The following CNTN5 variants were observed in gnomAD, a reference collection of about 807,000 sequenced individuals.
The protein encoded by CNTN5 is contactin 5, also known as contactin-5.
CNTN5 carries 77 observed loss-of-function variants against 129.1 expected under a neutral mutation model. The ratio of observed to expected loss-of-function variants is 0.60; its 90% confidence interval spans 0.50 to 0.72. The LOEUF (loss-of-function observed/expected upper bound fraction) is 0.72. CNTN5 is among the 30% of genes least tolerant of loss of function. CNTN5 has a pLI of 0.00. For synonymous variants in CNTN5, 509 were observed against 465.6 expected, an observed-to-expected ratio of 1.09 and a Z score of -1.20; for missense variants, 1,478 against 1,328.8, an observed-to-expected ratio of 1.11 and a Z score of -1.75.
chr11:100,010,863 T>C (rs1940485207), intron 9 of CNTN5, among the ~76,000 whole-genome samples: 1 of 152,124 alleles, frequency 6.6e-6, no homozygotes, highest in African/African-American at 2.4e-5. Flanking sequence ...AAGGCTTACG[T>C]CAAATGCCCC....
chr11:99,541,183 G>A (rs547625824), intron 2 of CNTN5, among the ~76,000 whole-genome samples: 13 of 152,222 alleles, frequency 8.5e-5, no homozygotes, highest in Non-Finnish European at 7.4e-5. Context: ...CAGTACACTA[G>A]CTGACTGAAT....
intron 3 of CNTN5, among the ~76,000 whole-genome samples, chr11:99,671,880 G>A (rs76936909): frequency 5.7e-4 from 87 of 152,162 alleles, no homozygotes; most frequent in African/African-American, 1.4e-3. Context: ...ACCTGTGTGC[G>A]CACGCATACA....
At chr11:99,359,870 T>G (rs746448213) in intron 2 of CNTN5, among the ~76,000 whole-genome samples, 1 of 152,014 alleles carries the variant, frequency 6.6e-6, no homozygotes, top group Non-Finnish European at 1.5e-5. Flanking sequence ...AAGGGGTAAC[T>G]GAAACCAAGT....
At chr11:99,292,550 A>AG (rs1216539825) in intron 1 of CNTN5, among the ~76,000 whole-genome samples, 1 of 152,062 alleles carries the variant, frequency 6.6e-6, no homozygotes, top group Non-Finnish European at 1.5e-5. Flanking sequence ...CTTGTTCCAA[A>AG]TCTTAGAGGA....
chr11:99,804,276 T>C lies in CNTN5; in HGVS notation c.56-15268T>C, dbSNP rs190978772. Reference sequence around the variant, plus strand: ...AAAGGAAAGTCATTTACCAAATGTGTACCCTAGCTTGCAAAATGTGTTTCC... The same window carrying C: ...AAAGGAAAGTCATTTACCAAATGTGCACCCTAGCTTGCAAAATGTGTTTCC... On this transcript the variant is annotated intron_variant, in intron 3 of 24. Coordinates refer to ENST00000524871, the MANE Select transcript of CNTN5 (RefSeq NM_014361.4). Among the ~76,000 whole-genome samples, 37 of 152,256 alleles carry C rather than the reference T, an allele frequency of 2.4e-4. 1 individual carries two copies. The East Asian group carries it at 7.1e-3, about 29-fold the overall frequency.
intron 7 of CNTN5, among the ~76,000 whole-genome samples, chr11:99,920,166 G>T (rs1949901206): frequency 6.6e-6 from 1 of 151,834 alleles, no homozygotes; most frequent in African/African-American, 2.4e-5. Context: ...TTCTCATGTG[G>T]GTTATTTCTT....
intron 2 of CNTN5, among the ~76,000 whole-genome samples, chr11:99,441,457 G>A (rs1057007508): frequency 3.9e-4 from 59 of 152,180 alleles, no homozygotes; most frequent in Non-Finnish European, 7.6e-4. Context: ...TAATATACTA[G>A]CATCTAAAAC....
intron 3 of CNTN5, among the ~76,000 whole-genome samples, chr11:99,664,711 G>A (rs1952719775): frequency 6.6e-6 from 1 of 152,126 alleles, no homozygotes; most frequent in Non-Finnish European, 1.5e-5. Context: ...TTTATATTTA[G>A]TCAATGCCCA....
chr11:99,964,079 A>G (rs988683873), intron 8 of CNTN5, among the ~76,000 whole-genome samples: 1 of 152,318 alleles, frequency 6.6e-6, no homozygotes, highest in African/African-American at 2.4e-5. Context: ...GGGGTTTTCT[A>G]GATATACAAT....
intron 1 of CNTN5, among the ~76,000 whole-genome samples, chr11:99,152,137 T>C (rs1355889071): frequency 1.3e-5 from 2 of 152,202 alleles, no homozygotes; most frequent in Non-Finnish European, 2.9e-5. Flanking sequence ...GTATTTCCTT[T>C]TTCTATTTAA....
intron 2 of CNTN5, among the ~76,000 whole-genome samples, chr11:99,545,867 C>A (rs984737607): frequency 2.0e-5 from 3 of 152,318 alleles, no homozygotes; most frequent in African/African-American, 7.2e-5. Context: ...GTGAGACATT[C>A]TCTCCCTGCA....
intron 9 of CNTN5, among the ~76,000 whole-genome samples, chr11:100,036,043 AT>A (rs1941978719): frequency 6.6e-6 from 1 of 152,192 alleles, no homozygotes; most frequent in Admixed American, 6.5e-5. Context: ...GTCCTTGCCC[AT>A]GCCTATGTCA....
intron 21 of CNTN5, among the ~76,000 whole-genome samples, chr11:100,335,118 T>C (rs1227902912): frequency 6.6e-6 from 1 of 151,890 alleles, no homozygotes; most frequent in Non-Finnish European, 1.5e-5. Context: ...ATTCAGGAGA[T>C]CTCTGTACCT....
intron 13 of CNTN5, among the ~76,000 whole-genome samples, chr11:100,112,929 A>C (rs938471093): frequency 2.0e-5 from 3 of 152,182 alleles, no homozygotes; most frequent in African/African-American, 7.2e-5. Context: ...ATCTATATTA[A>C]GAAGAAAGCA....
intron 13 of CNTN5, among the ~76,000 whole-genome samples, chr11:100,079,821 C>T (rs896578446): frequency 5.9e-5 from 9 of 152,142 alleles, no homozygotes; most frequent in African/African-American, 2.2e-4. Flanking sequence ...ATTTTCTCCT[C>T]TAGCAGACCT....
intron 1 of CNTN5, among the ~76,000 whole-genome samples, chr11:99,082,042 T>A (rs1865822475): frequency 6.6e-6 from 1 of 152,196 alleles, no homozygotes; most frequent in African/African-American, 2.4e-5. Flanking sequence ...TAACTTTCAT[T>A]TCTGTATGTA....
intron 23 of CNTN5, among the ~76,000 whole-genome samples, chr11:100,349,613 C>T (rs1422057710): frequency 6.6e-6 from 1 of 151,716 alleles, no homozygotes; most frequent in Non-Finnish European, 1.5e-5. Flanking sequence ...TTTTCTTTTG[C>T]TATGTTTTGT....
At chr11:99,097,135 A>C (rs1866503722) in intron 1 of CNTN5, among the ~76,000 whole-genome samples, 1 of 151,946 alleles carries the variant, frequency 6.6e-6, no homozygotes, top group Non-Finnish European at 1.5e-5. Context: ...AGTTAGATAA[A>C]TATCATAAAG....
intron 13 of CNTN5, among the ~76,000 whole-genome samples, chr11:100,144,446 C>T (rs1174097870): frequency 6.6e-6 from 1 of 152,044 alleles, no homozygotes; most frequent in Non-Finnish European, 1.5e-5. Flanking sequence ...CACTCTTTTG[C>T]TCCCACCTAC....
Sources: gnomAD v4.1 joint callset for allele counts (sites outside exome capture counted in the v4.1 genomes callset) on GRCh38, gnomAD v4.1.1 for gene constraint, MANE v1.5 for transcripts, NCBI Gene and HGNC (gene_info 2026-07-23, HGNC 2026-07-21) for gene names.